The following SCD5 variants were observed in gnomAD, a reference collection of about 807,000 sequenced individuals.
SCD5 encodes stearoyl-CoA desaturase 5, also known as acyl-CoA-desaturase 4.
In SCD5, 20 loss-of-function variants were observed where a neutral mutation model predicts 30.4. The ratio of observed to expected loss-of-function variants is 0.66; its 90% CI spans 0.46 to 0.96. The LOEUF is 0.96. SCD5 is among the 40% of genes least tolerant of loss of function. The pLI is 0.00. For missense variants in SCD5, 381 were observed against 443.3 expected (o/e 0.86, Z 1.26); for synonymous variants, 173 against 176.4 (o/e 0.98, Z 0.16).
intron 1 of SCD5, among the ~76,000 whole-genome samples, chr4:82,786,112 G>GT (rs1721981078): frequency 6.6e-6 from 1 of 152,212 alleles, no homozygotes; most frequent in African/African-American, 2.4e-5. Context: ...CTAAAGAATA[G>GT]TAAGTTGGTT....
intron 1 of SCD5, among the ~76,000 whole-genome samples, chr4:82,765,439 T>A (rs548742418): frequency 6.6e-6 from 1 of 152,162 alleles, no homozygotes; most frequent in Non-Finnish European, 1.5e-5. Context: ...CAGGACTCCA[T>A]AAGGATACCC....
intron 1 of SCD5, among the ~76,000 whole-genome samples, chr4:82,713,879 T>C (rs1720163833): frequency 6.6e-6 from 1 of 152,214 alleles, no homozygotes; most frequent in Admixed American, 6.5e-5. Flanking sequence ...CCTACTCACC[T>C]GATAACTTTG....
chr4:82,752,102 G>T (rs1721116498), intron 1 of SCD5, among the ~76,000 whole-genome samples: 1 of 152,024 alleles, frequency 6.6e-6, no homozygotes, highest in Non-Finnish European at 1.5e-5. Flanking sequence ...ATAAGTCTGT[G>T]GGCAGGAGAA....
rs1560531619 is a variant in SCD5, at chr4:82,679,230, A to AAGAAAGAAAGAGAGAG, written c.569+1476_569+1477insCTCTCTCTTTCTTTCT. ...AAAAAAAAAAGAAAGAAAAGAAAGA[A>AAGAAAGAAAGAGAGAG]AGAAAGAAAGAAAGAAAGAAAGAAA... On this transcript the variant is annotated intron_variant, in intron 3 of 4. Coordinates refer to ENST00000319540, the MANE Select transcript of SCD5 (RefSeq NM_001037582.3). Among the ~76,000 whole-genome samples the AAGAAAGAAAGAGAGAG allele has an allele frequency of 2.6e-3, 90 of 33,986 alleles. 5 individuals are homozygous for AAGAAAGAAAGAGAGAG. Among genetic ancestry groups the AAGAAAGAAAGAGAGAG allele is most frequent in the Middle Eastern group, 0.025 (2 of 80 alleles). The allele number at this position is 33,986 out of a possible 152,430, so 22.3% of individuals were successfully genotyped here.
intron 2 of SCD5, among the ~76,000 whole-genome samples, chr4:82,697,818 G>A (rs1719727623): frequency 6.6e-6 from 1 of 152,188 alleles, no homozygotes; most frequent in Admixed American, 6.5e-5. Context: ...CTTTGTCGGA[G>A]TATTCCGCAT....
intron 1 of SCD5, among the ~76,000 whole-genome samples, chr4:82,763,632 G>A (rs527260384): frequency 3.3e-5 from 5 of 152,364 alleles, no homozygotes; most frequent in Middle Eastern, 3.4e-3. Context: ...GAGAAACCCA[G>A]GGGTGTGCAG....
intron 1 of SCD5, among the ~76,000 whole-genome samples, chr4:82,740,679 C>A (rs12646715): frequency 0.15 from 22,084 of 152,164 alleles, 2,847 homozygotes; most frequent in African/African-American, 0.35. Flanking sequence ...TTCCAAGGTC[C>A]GCCACAGTTG....
chr4:82,643,801 C>A (rs975528388), intron 3 of SCD5, among the ~76,000 whole-genome samples: 1 of 152,174 alleles, frequency 6.6e-6, no homozygotes, highest in Non-Finnish European at 1.5e-5. Context: ...GGGCAGAAAT[C>A]ATTTCTCTTT....
chr4:82,744,036 G>A (rs758736064), intron 1 of SCD5, among the ~76,000 whole-genome samples: 11 of 152,084 alleles, frequency 7.2e-5, no homozygotes, highest in Non-Finnish European at 1.3e-4. Context: ...ATGTTGCCCA[G>A]GCTGGTCTCA....
At position 82,679,226 on chromosome 4, in the gene SCD5, A is replaced by AAGAAAGAAAGAG. The variant is rs1560531608; in HGVS notation, c.569+1480_569+1481insCTCTTTCTTTCT. ...AAAAAAAAAAAAAAGAAAGAAAAGA[A>AAGAAAGAAAGAG]AGAAAGAAAGAAAGAAAGAAAGAAA... On this transcript the variant is annotated intron_variant, in intron 3 of 4. Transcript: ENST00000319540. Among the ~76,000 whole-genome samples the AAGAAAGAAAGAG allele has an allele frequency of 2.8e-4, 25 of 90,306 alleles. 1 individual carries two copies. The highest frequency in any genetic ancestry group is 7.5e-4 in the African/African-American group (18 of 24,030). 59.2% of individuals were successfully genotyped at this position (90,306 alleles called of 152,430 possible).
At chr4:82,658,446 G>GACT in intron 3 of SCD5, among the ~76,000 whole-genome samples, 1 of 146,534 alleles carries the variant, frequency 6.8e-6, no homozygotes, top group South Asian at 2.2e-4. Context: ...GGATGAAGCT[G>GACT]ACTTGATTGT....
At chr4:82,664,119 G>T (rs73829961) in intron 3 of SCD5, among the ~76,000 whole-genome samples, 1,884 of 152,292 alleles carry the variant, frequency 0.012, 44 homozygotes, top group African/African-American at 0.043. Flanking sequence ...ACACAGGTGT[G>T]CAGGGACAGC....
chr4:82,763,933 G>C (rs1721431714), intron 1 of SCD5, among the ~76,000 whole-genome samples: 1 of 152,140 alleles, frequency 6.6e-6, no homozygotes, highest in Non-Finnish European at 1.5e-5. Context: ...ATGTCCTCTT[G>C]ATATCTACTT....
At chr4:82,727,267 C>T (rs974431433) in intron 1 of SCD5, among the ~76,000 whole-genome samples, 3 of 152,194 alleles carry the variant, frequency 2.0e-5, no homozygotes, top group Non-Finnish European at 2.9e-5. Context: ...CCTGCATTGT[C>T]TCTGGAAAAG....
intron 1 of SCD5, among the ~76,000 whole-genome samples, chr4:82,749,880 C>A (rs1298113947): frequency 6.6e-6 from 1 of 152,148 alleles, no homozygotes; most frequent in African/African-American, 2.4e-5. Flanking sequence ...AATGACTGGG[C>A]TTTATACCCC....
At chr4:82,750,348 C>G (rs1721076302) in intron 1 of SCD5, among the ~76,000 whole-genome samples, 1 of 152,178 alleles carries the variant, frequency 6.6e-6, no homozygotes, top group South Asian at 2.1e-4. Flanking sequence ...TACCTACACC[C>G]TGCAGGAGTA....
chr4:82,712,281 TATATATATA>T (rs1720120348), intron 1 of SCD5, among the ~76,000 whole-genome samples: 3 of 50,310 alleles, frequency 6.0e-5, no homozygotes, highest in African/African-American at 3.3e-4. Context: ...TATATATATA[TATATATATA>T]TATATATTTT....
At chr4:82,707,597 A>C (rs1218592071) in intron 1 of SCD5, among the ~76,000 whole-genome samples, 1 of 152,240 alleles carries the variant, frequency 6.6e-6, no homozygotes, top group Non-Finnish European at 1.5e-5. Context: ...TTTTGCTAGC[A>C]GATTCTCTCT....
At chr4:82,704,583 G>A (rs1233362450) in intron 2 of SCD5, among the ~76,000 whole-genome samples, 1 of 152,176 alleles carries the variant, frequency 6.6e-6, no homozygotes, top group Non-Finnish European at 1.5e-5. Flanking sequence ...GCTCCCTGCA[G>A]TTTTCATTGA....
Sources: gnomAD v4.1 joint callset for allele counts (sites outside exome capture counted in the v4.1 genomes callset) on GRCh38, gnomAD v4.1.1 for gene constraint, MANE v1.5 for transcripts, NCBI Gene and HGNC (gene_info 2026-07-23, HGNC 2026-07-21) for gene names.